The following NTM variants were observed in gnomAD, a reference collection of about 807,000 sequenced individuals.
NTM encodes IgLON family member 2.
NTM carries 13 observed loss-of-function variants against 42.1 expected under a neutral mutation model. That is an observed-to-expected ratio of 0.31 (90% CI 0.20 to 0.49). The LOEUF (loss-of-function observed/expected upper bound fraction) is 0.49, where lower values mean the gene tolerates loss of function less well. Among genes scored for constraint, NTM ranks in the 20% least tolerant of loss-of-function variants. The probability of loss-of-function intolerance (pLI) is 0.99; values close to 1 mark genes in which losing one functional copy is unlikely to be tolerated. For missense variants in NTM, 373 were observed against 452.8 expected (o/e 0.82, Z 1.60); for synonymous variants, 187 against 179.2 (o/e 1.04, Z -0.35).
At position 132,051,635 on chromosome 11, in the gene NTM, T is replaced by A. The variant is rs145292383; in HGVS notation, c.168-94647T>A. Among the ~76,000 whole-genome samples, 384 of 152,328 alleles carry A rather than the reference T, an allele frequency of 2.5e-3. 2 individuals carry two copies. Among genetic ancestry groups the A allele is most frequent in the Non-Finnish European group, 4.1e-3 (280 of 68,022 alleles). On this transcript the variant is annotated intron_variant, in intron 2 of 8. Coordinates refer to ENST00000683400, the MANE Select transcript of NTM (RefSeq NM_001352005.2). ...AATGATGGTCAGGCTGACAAGCTGC[T>A]GGCAGGACTGGCACAGGATGCCAAG...
intron 4 of NTM, among the ~76,000 whole-genome samples, chr11:132,237,427 A>C (rs1412512095): frequency 6.6e-6 from 1 of 152,164 alleles, no homozygotes; most frequent in African/African-American, 2.4e-5. Flanking sequence ...CTAGAATCAC[A>C]GAGTCCTGAA....
chr11:131,500,417 C>G (rs1027868652), intron 1 of NTM, among the ~76,000 whole-genome samples: 2 of 151,556 alleles, frequency 1.3e-5, no homozygotes, highest in Non-Finnish European at 2.9e-5. Flanking sequence ...CTTATTATCT[C>G]CTTTAAGTCT....
chr11:132,326,650 G>A (rs1449218276), intron 7 of NTM, among the ~76,000 whole-genome samples: 2 of 152,196 alleles, frequency 1.3e-5, no homozygotes, highest in African/African-American at 4.8e-5. Context: ...ATGGGTCAGC[G>A]AAGAAGACTG....
At chr11:131,668,834 G>A (rs764429495) in intron 1 of NTM, among the ~76,000 whole-genome samples, 8 of 152,164 alleles carry the variant, frequency 5.3e-5, no homozygotes, top group African/African-American at 7.2e-5. Context: ...AAGCCAGGGT[G>A]GAAATGCATC....
At chr11:132,118,109 G>A (rs2064161091) in intron 2 of NTM, among the ~76,000 whole-genome samples, 1 of 152,134 alleles carries the variant, frequency 6.6e-6, no homozygotes, top group Admixed American at 6.5e-5. Flanking sequence ...TAGTTTCAGG[G>A]TCCTTTACAG....
chr11:131,409,560 G>A (rs1946152236), intron 1 of NTM, among the ~76,000 whole-genome samples: 1 of 152,250 alleles, frequency 6.6e-6, no homozygotes, highest in Admixed American at 6.5e-5. Context: ...TGGTCCCTGG[G>A]AGAGGCACAA....
chr11:131,708,981 C>T (rs554290761), intron 1 of NTM, among the ~76,000 whole-genome samples: 2 of 152,058 alleles, frequency 1.3e-5, no homozygotes, highest in Non-Finnish European at 2.9e-5. Flanking sequence ...TGGAAGGTGT[C>T]CTTTGAACAA....
Position 131,823,368 on chromosome 11 carries a change from G to A in NTM, c.83-88196G>A, listed in dbSNP as rs116103423. ...TTCTCCACGTGATGACTAAGTGGCC[G>A]ATGCAGTAGGTAAGCACGAAATTAG... On this transcript the variant is annotated intron_variant, in intron 1 of 8. Transcript: ENST00000683400. Among the ~76,000 whole-genome samples the A allele has an allele frequency of 4.5e-3, 689 of 152,202 alleles. 6 individuals carry two copies. The highest frequency in any genetic ancestry group is 0.015 in the African/African-American group (643 of 41,524).
At chr11:131,529,515 A>C (rs1591950361) in intron 1 of NTM, among the ~76,000 whole-genome samples, 1 of 152,174 alleles carries the variant, frequency 6.6e-6, no homozygotes, top group Non-Finnish European at 1.5e-5. Flanking sequence ...ATCAGTGCCC[A>C]AGGAAACCAA....
chr11:132,223,789 A>G (rs540663440), intron 4 of NTM, among the ~76,000 whole-genome samples: 41 of 152,328 alleles, frequency 2.7e-4, no homozygotes, highest in African/African-American at 9.1e-4. Context: ...CAGTCCCTTA[A>G]TTAGTGATTT....
chr11:131,922,491 G>A (rs2057373348), intron 2 of NTM, among the ~76,000 whole-genome samples: 1 of 152,202 alleles, frequency 6.6e-6, no homozygotes, highest in Non-Finnish European at 1.5e-5. Context: ...CAGTCTTTCT[G>A]ATCTTAGGAA....
At chr11:132,165,060 C>T (rs2075045716) in intron 3 of NTM, among the ~76,000 whole-genome samples, 1 of 152,160 alleles carries the variant, frequency 6.6e-6, no homozygotes, top group Non-Finnish European at 1.5e-5. Context: ...TCCAGTGACC[C>T]ACCCAGGCCT....
At chr11:131,480,639 A>T (rs1953472070) in intron 1 of NTM, among the ~76,000 whole-genome samples, 2 of 152,188 alleles carry the variant, frequency 1.3e-5, no homozygotes, top group African/African-American at 2.4e-5. Context: ...TATAGAGCAG[A>T]TTGTGGGAAA....
intron 1 of NTM, among the ~76,000 whole-genome samples, chr11:131,897,260 TAA>T (rs1323009154): frequency 6.6e-6 from 1 of 151,900 alleles, no homozygotes; most frequent in Non-Finnish European, 1.5e-5. Context: ...AGGATTTAAT[TAA>T]AAGAGTAGAG....
chr11:132,162,677 G>A (rs1566343364), intron 3 of NTM, among the ~76,000 whole-genome samples: 1 of 151,074 alleles, frequency 6.6e-6, no homozygotes, highest in African/African-American at 2.4e-5. Context: ...GAGTGTGTGT[G>A]TGTTTGTGTA....
At chr11:132,205,473 A>C (rs1211624070) in intron 3 of NTM, among the ~76,000 whole-genome samples, 1 of 152,252 alleles carries the variant, frequency 6.6e-6, no homozygotes, top group African/African-American at 2.4e-5. Context: ...ACACATTTGA[A>C]TTAAAATTCA....
At chr11:131,544,940 C>T (rs1014788617) in intron 1 of NTM, among the ~76,000 whole-genome samples, 15 of 152,182 alleles carry the variant, frequency 9.9e-5, no homozygotes, top group Non-Finnish European at 1.6e-4. Context: ...TGATCATTTT[C>T]GGAAGGACCC....
intron 1 of NTM, among the ~76,000 whole-genome samples, chr11:131,696,996 A>G (rs1476817305): frequency 6.6e-6 from 1 of 152,220 alleles, no homozygotes; most frequent in Admixed American, 6.5e-5. Flanking sequence ...TTAGTGGAAT[A>G]GCCCTGAGTA....
At chr11:131,571,548 TG>T (rs1426512491) in intron 1 of NTM, among the ~76,000 whole-genome samples, 1 of 152,200 alleles carries the variant, frequency 6.6e-6, no homozygotes, top group African/African-American at 2.4e-5. Flanking sequence ...TATTAGTTAT[TG>T]GGGGAAACCA....
Sources: allele counts gnomAD v4.1 joint callset (sites outside exome capture counted in the v4.1 genomes callset), GRCh38; gene constraint gnomAD v4.1.1; transcripts MANE v1.5; gene names NCBI Gene and HGNC (gene_info 2026-07-23, HGNC 2026-07-21).